Variants in ARHGAP6 observed in about 807,000 individuals in gnomAD.
ARHGAP6 encodes the protein rho GTPase-activating protein 6.
Under a neutral mutation model 55.7 loss-of-function variants are expected in ARHGAP6, and 16 were observed. The observed-to-expected ratio is 0.29, with a 90% CI of 0.19 to 0.44. ARHGAP6 has a LOEUF of 0.44. Ranked by LOEUF, ARHGAP6 falls within the 20% of genes least tolerant of loss-of-function variation. The pLI, the probability that ARHGAP6 is intolerant of heterozygous loss-of-function variation, is 1.00. For missense variants in ARHGAP6, 698 were observed against 808.9 expected (o/e 0.86, Z 1.66); for synonymous variants, 382 against 360.9 (o/e 1.06, Z -0.66).
chrX:11,509,215 C>T (rs763499470), intron 1 of ARHGAP6, among the ~76,000 whole-genome samples: 1 of 111,600 alleles, frequency 9.0e-6, no homozygotes, highest in Non-Finnish European at 1.9e-5. Context: ...CTTTATTTGC[C>T]ATTCATCATA....
intron 1 of ARHGAP6, among the ~76,000 whole-genome samples, chrX:11,313,427 TG>T (rs2048322993): frequency 8.9e-6 from 1 of 112,103 alleles, no homozygotes; most frequent in Admixed American, 9.4e-5. Context: ...CAAGGCAAGC[TG>T]GGTCCTGATT....
intron 2 of ARHGAP6, among the ~76,000 whole-genome samples, chrX:11,202,410 T>G (rs1397466771): frequency 2.7e-5 from 3 of 111,072 alleles, no homozygotes; most frequent in Non-Finnish European, 5.7e-5. Flanking sequence ...TAAATTAGAT[T>G]CCTGGATGCA....
In ARHGAP6 at chrX:11,240,700, T is replaced by A. The variant is rs144312866; in HGVS notation, c.748+13848A>T. Among the ~76,000 whole-genome samples, 432 of 111,185 alleles carry A rather than the reference T, an allele frequency of 3.9e-3. 5 individuals are homozygous for A. Among genetic ancestry groups the A allele is most frequent in the African/African-American group, 0.014 (422 of 30,565 alleles). ...CAGATGAATGAATGCTATCTCTGCC[T>A]TTGAAAAATTCAAAATTCAGTGCTA... On this transcript the variant is annotated intron_variant, in intron 2 of 12. Transcript: ENST00000337414.
At chrX:11,454,755 G>C (rs746399586) in intron 1 of ARHGAP6, among the ~76,000 whole-genome samples, 1 of 112,390 alleles carries the variant, frequency 8.9e-6, no homozygotes, top group African/African-American at 3.2e-5. Flanking sequence ...GAATTTAAGA[G>C]GTTCTTGGTG....
chrX:11,194,642 C>G (rs1412015542), intron 3 of ARHGAP6, among the ~76,000 whole-genome samples: 2 of 112,161 alleles, frequency 1.8e-5, no homozygotes, highest in Non-Finnish European at 3.8e-5. Flanking sequence ...CTAAACATCT[C>G]ACAATACACA....
At chrX:11,148,606 A>G in intron 10 of ARHGAP6, 1 of 362,501 alleles carries the variant, frequency 2.8e-6, no homozygotes, top group East Asian at 7.7e-5. Context: ...AGGGATGGGC[A>G]TGGAGAGCGA....
chrX:11,274,187 T>A (rs2047727771), intron 1 of ARHGAP6, among the ~76,000 whole-genome samples: 1 of 112,090 alleles, frequency 8.9e-6, no homozygotes, highest in Admixed American at 9.5e-5. Flanking sequence ...CATTTAGTTT[T>A]CTTACAAATA....
intron 8 of ARHGAP6, 74 bp downstream of exon 8, chrX:11,178,026 C>T: frequency 1.7e-6 from 2 of 1,179,205 alleles, no homozygotes; most frequent in Non-Finnish European, 2.3e-6. Context: ...GCAAAATGGC[C>T]ATTTTGGTGG....
At chrX:11,401,050 A>T (rs1569330005) in intron 1 of ARHGAP6, among the ~76,000 whole-genome samples, 1 of 112,218 alleles carries the variant, frequency 8.9e-6, no homozygotes, top group African/African-American at 3.2e-5. Context: ...CATTCCAAAA[A>T]TACTCTGCTT....
chrX:11,664,450 C>A lies in ARHGAP6; in HGVS notation c.379G>T (p.Gly127Cys). Reference sequence around the variant, plus strand: ...ATGCTCTTCTTGAGGCCGCCGCGACCCAGGGGAACCTCATAGTCAAAGTGA... The same window carrying A: ...ATGCTCTTCTTGAGGCCGCCGCGACACAGGGGAACCTCATAGTCAAAGTGA... ...SFHFDYEVPL[G>C]RGGLKKSMAW... The change falls in exon 1 of 13, where the codon GGT (glycine) becomes TGT (cysteine). Residue 127 changes from glycine (G) to cysteine (C), a missense_variant. By Grantham distance (159) the Gly-to-Cys change is radical (BLOSUM62 -3). This residue lies in a region of ARHGAP6 where 164 missense variants were observed against 149.2 expected (regional missense o/e 1.10). Coordinates refer to ENST00000337414, the MANE Select transcript of ARHGAP6 (RefSeq NM_013427.3). The A allele has an allele frequency of 8.3e-7, 1 of 1,211,507 alleles. No homozygotes were observed. The highest frequency in any genetic ancestry group is 1.1e-6 in the Non-Finnish European group (1 of 895,238).
intron 1 of ARHGAP6, among the ~76,000 whole-genome samples, chrX:11,333,118 G>A (rs908924615): frequency 5.4e-5 from 6 of 111,838 alleles, no homozygotes; most frequent in African/African-American, 2.0e-4. Flanking sequence ...TAAGGCTATG[G>A]CGTCATTAGA....
chrX:11,571,311 G>A (rs5935110), intron 1 of ARHGAP6, among the ~76,000 whole-genome samples: 2,167 of 111,165 alleles, frequency 0.019, 31 homozygotes, highest in Middle Eastern at 0.06. Flanking sequence ...CACAGACTCT[G>A]ATGCCAGATA....
At chrX:11,586,908 T>C (rs181905735) in intron 1 of ARHGAP6, among the ~76,000 whole-genome samples, 65 of 112,266 alleles carry the variant, frequency 5.8e-4, no homozygotes, top group African/African-American at 2.0e-3. Context: ...GTTGTATTTC[T>C]AGGTAATTTT....
intron 1 of ARHGAP6, among the ~76,000 whole-genome samples, chrX:11,415,870 T>C (rs1249672498): frequency 3.6e-5 from 4 of 111,802 alleles, no homozygotes; most frequent in African/African-American, 9.8e-5. Flanking sequence ...AGCTGAGCTC[T>C]GTCTAGCTAA....
chrX:11,633,137 C>T (rs1196426350), intron 1 of ARHGAP6, among the ~76,000 whole-genome samples: 1 of 112,502 alleles, frequency 8.9e-6, no homozygotes, highest in Non-Finnish European at 1.9e-5. Context: ...TAAAGCTCTT[C>T]CCTACAAATC....
chrX:11,398,653 G>A (rs5935051), intron 1 of ARHGAP6, among the ~76,000 whole-genome samples: 6,190 of 111,564 alleles, frequency 0.055, 193 homozygotes, highest in African/African-American at 0.12. Flanking sequence ...AGCACAATAT[G>A]TTTTAATTAT....
At chrX:11,348,380 T>A (rs985942047) in intron 1 of ARHGAP6, among the ~76,000 whole-genome samples, 3 of 111,811 alleles carry the variant, frequency 2.7e-5, no homozygotes, top group Non-Finnish European at 5.6e-5. Context: ...TTCTCACCGT[T>A]GTGAGACCCT....
chrX:11,618,383 G>C (rs573402836), intron 1 of ARHGAP6, among the ~76,000 whole-genome samples: 2 of 112,362 alleles, frequency 1.8e-5, no homozygotes, highest in Middle Eastern at 4.6e-3. Flanking sequence ...AAATTACGTT[G>C]CATGTCAGCT....
chrX:11,385,830 A>C (rs2049321682), intron 1 of ARHGAP6, among the ~76,000 whole-genome samples: 1 of 112,302 alleles, frequency 8.9e-6, no homozygotes. Flanking sequence ...TAATGCAAAA[A>C]TGATAAAAAA....
Sources: gnomAD v4.1 joint callset for allele counts (sites outside exome capture counted in the v4.1 genomes callset) on GRCh38, gnomAD v4.1.1 for gene constraint, gnomAD v4.1.1 regional missense constraint, MANE v1.5 for transcripts, NCBI Gene and HGNC (gene_info 2026-07-23, HGNC 2026-07-21) for gene names.